Variants in LIMK2 observed in about 807,000 individuals in gnomAD.
LIMK2 encodes LIM domain kinase 2.
LIMK2 carries 35 observed loss-of-function variants against 75.7 expected under a neutral mutation model. The ratio of observed to expected loss-of-function variants is 0.46; its 90% CI spans 0.35 to 0.61. The LOEUF (loss-of-function observed/expected upper bound fraction) is 0.61, where lower values mean the gene tolerates loss of function less well. Among genes scored for constraint, LIMK2 ranks in the 20% least tolerant of loss-of-function variants. The probability of loss-of-function intolerance (pLI) is 0.00; values close to 1 mark genes in which losing one functional copy is unlikely to be tolerated. For synonymous variants in LIMK2, 301 were observed against 319.2 expected (o/e 0.94, Z 0.61); for missense variants, 623 against 831.0 (o/e 0.75, Z 3.08).
In LIMK2 at chr22:31,262,326, AC is replaced by A. The variant is rs1220796360; in HGVS notation, c.657+92del. ...CAGGCTGTAGCCTTTACCTTTTCCT[AC>A]CCCCAGCCCATCTCTTTGTCTTAGC... On this transcript the variant is annotated intron_variant, in intron 6 of 15. Transcript: ENST00000331728. The surrounding 1 kb of genome is among the most constrained non-coding windows in gnomAD (Gnocchi z 5.0). 2 of 1,090,036 alleles carry A rather than the reference AC, an allele frequency of 1.8e-6. No homozygotes were observed. The highest frequency in any genetic ancestry group is 2.8e-6 in the Non-Finnish European group (2 of 711,762). The allele number at this position is 1,090,036 out of a possible 1,614,324, so 67.5% of individuals were successfully genotyped here.
chr22:31,271,272 T>C (rs2048954069), intron 12 of LIMK2, 71 bp downstream of exon 12: 1 of 1,348,684 alleles, frequency 7.4e-7, no homozygotes, highest in African/African-American at 1.4e-5. Flanking sequence ...CAAAGGAGGC[T>C]GACTTGTCCC....
At chr22:31,254,421 T>A (rs960994491) in intron 2 of LIMK2, among the ~76,000 whole-genome samples, 5 of 152,240 alleles carry the variant, frequency 3.3e-5, no homozygotes, top group Non-Finnish European at 5.9e-5. Flanking sequence ...TTCTTGCCAC[T>A]CCTACCATTT....
chr22:31,224,269 T>C (rs1411374820), intron 1 of LIMK2, among the ~76,000 whole-genome samples: 1 of 152,166 alleles, frequency 6.6e-6, no homozygotes, highest in Non-Finnish European at 1.5e-5. Context: ...CTCTGTGCTT[T>C]TGTCTATGCT....
At chr22:31,272,951 T>C in intron 13 of LIMK2, 1 of 1,263,706 alleles carries the variant, frequency 7.9e-7, no homozygotes, top group Non-Finnish European at 1.0e-6. Context: ...GCCTCAGGGA[T>C]CGCTAAGAGC....
intron 2 of LIMK2, among the ~76,000 whole-genome samples, chr22:31,257,698 C>G (rs930915400): frequency 1.3e-5 from 2 of 152,112 alleles, no homozygotes; most frequent in Non-Finnish European, 2.9e-5. Flanking sequence ...TTTCTTCTCC[C>G]CATGACTTTT....
intron 2 of LIMK2, among the ~76,000 whole-genome samples, chr22:31,240,546 C>G (rs2048615882): frequency 6.6e-6 from 1 of 151,782 alleles, no homozygotes; most frequent in Non-Finnish European, 1.5e-5. Context: ...GCCTCAGCCT[C>G]CCGAGGAGCT....
At chr22:31,260,951 A>G (rs1232401023) in intron 5 of LIMK2, among the ~76,000 whole-genome samples, 1 of 152,228 alleles carries the variant, frequency 6.6e-6, no homozygotes, top group Admixed American at 6.5e-5. Flanking sequence ...CCAAGTTAAC[A>G]TTTTAGAAGG....
intron 2 of LIMK2, among the ~76,000 whole-genome samples, chr22:31,255,782 C>T (rs2123828140): frequency 6.6e-6 from 1 of 152,212 alleles, no homozygotes; most frequent in East Asian, 1.9e-4. Context: ...AAGGCTTTCT[C>T]TCATACATTA....
Position 31,267,910 on chromosome 22 carries a change from G to T in LIMK2, c.1260+3G>T. 6.3e-7 allele frequency: 1 copy of T among 1,594,120 alleles called. No homozygotes were observed. Among genetic ancestry groups the T allele is most frequent in the Non-Finnish European group, 8.5e-7 (1 of 1,171,590 alleles). On this transcript the variant is annotated splice_donor_region_variant and intron_variant, in intron 10 of 15. Coordinates refer to ENST00000331728, the MANE Select transcript of LIMK2 (RefSeq NM_005569.4). The stretch of plus-strand genomic sequence containing the variant: ...TGAAGGACTTTCTGCGCAGTATGGT[G>T]AGCACACCACCCCATAGTCTCCAGG...
chr22:31,232,847 C>T (rs2048541179), intron 2 of LIMK2, among the ~76,000 whole-genome samples: 1 of 152,092 alleles, frequency 6.6e-6, no homozygotes, highest in South Asian at 2.1e-4. Context: ...ATCCTCCCAC[C>T]TGGGCCTCAC....
chr22:31,237,073 A>G lies in LIMK2; in HGVS notation c.116+11254A>G, dbSNP rs2123794752. Among the ~76,000 whole-genome samples the G allele has an allele frequency of 1.4e-5, 2 of 147,564 alleles. 1 individual carries two copies. Among genetic ancestry groups the G allele is most frequent in the East Asian group, 4.0e-4 (2 of 4,956 alleles). The stretch of plus-strand genomic sequence containing the variant: ...TCAGGAGATCGAGACCATCCTGGCT[A>G]ACACAGTGAAACCGCGTCTCTACTA... On this transcript the variant is annotated intron_variant, in intron 2 of 15. Transcript: ENST00000331728.
chr22:31,274,523 C>A (rs1316605699), intron 14 of LIMK2, among the ~76,000 whole-genome samples: 1 of 152,144 alleles, frequency 6.6e-6, no homozygotes, highest in Non-Finnish European at 1.5e-5. Flanking sequence ...GCCTCAGCCT[C>A]CCAAGTAGCT....
intron 2 of LIMK2, among the ~76,000 whole-genome samples, chr22:31,239,039 C>T (rs369366417): frequency 2.0e-5 from 3 of 152,196 alleles, no homozygotes; most frequent in South Asian, 4.1e-4. Context: ...TGCTTACAGC[C>T]CATATAGACA....
Position 31,266,105 on chromosome 22 carries a change from G to A in LIMK2, c.1014G>A (p.Gly338=). ...ACCTAATCCATGGGGAGGTCCTGGG[G>A]AAGGGCTTCTTTGGGCAGGCTATCA... The part of the protein sequence containing the change: ...PCDLIHGEVL[G]KGFFGQAIKV... The change falls in exon 8 of 16, where the codon GGG becomes GGA. Residue 338 remains glycine, a synonymous_variant. Coordinates refer to ENST00000331728, the MANE Select transcript of LIMK2 (RefSeq NM_005569.4). The A allele has an allele frequency of 6.2e-7, 1 of 1,614,216 alleles. No homozygotes were observed. The highest frequency in any genetic ancestry group is 8.5e-7 in the Non-Finnish European group (1 of 1,180,044).
chr22:31,278,229 T>G, intron 15 of LIMK2, 68 bp from the exon 16 acceptor site: 5 of 1,410,854 alleles, frequency 3.5e-6, no homozygotes, highest in Non-Finnish European at 4.9e-6. Context: ...TGAGCCTAGA[T>G]CCCTTCCACC....
In LIMK2 at chr22:31,267,032, C is replaced by A. The variant is rs114127458; in HGVS notation, c.1090C>A (p.Arg364=). Reference sequence around the variant, plus strand: ...AGTGATGGTCATGAAAGAGTTAATTCGATGTGATGAGGAGACCCAGAAAAC... The same window carrying A: ...AGTGATGGTCATGAAAGAGTTAATTAGATGTGATGAGGAGACCCAGAAAAC... The part of the protein sequence containing the change: ...GKVMVMKELI[R]CDEETQKTFL... Residue 364 remains arginine, a synonymous_variant, in exon 9 of 16, where the codon CGA becomes AGA. Transcript: ENST00000331728. 1 of 1,609,642 alleles carries A rather than the reference C, an allele frequency of 6.2e-7. No individual in the cohort carries two copies. Among genetic ancestry groups the A allele is most frequent in the East Asian group, 2.2e-5 (1 of 44,824 alleles).
intron 11 of LIMK2, among the ~76,000 whole-genome samples, chr22:31,269,059 TTTG>T (rs2048927386): frequency 7.1e-6 from 1 of 141,398 alleles, no homozygotes. Context: ...TGTTTGTTTT[TTTG>T]TTTTTTTTTC....
At chr22:31,250,804 C>A (rs557896660) in intron 2 of LIMK2, among the ~76,000 whole-genome samples, 1 of 152,302 alleles carries the variant, frequency 6.6e-6, no homozygotes, top group African/African-American at 2.4e-5. Flanking sequence ...TCATCCTTGG[C>A]AGAAAGTAGA....
At position 31,235,880 on chromosome 22, in the gene LIMK2, G is replaced by A. The variant is rs2048569409; in HGVS notation, c.116+10061G>A. Among the ~76,000 whole-genome samples the A allele has an allele frequency of 2.0e-5, 3 of 152,210 alleles. No individual in the cohort carries two copies. In the South Asian group the frequency reaches 6.2e-4, roughly 31 times the overall value. On this transcript the variant is annotated intron_variant, in intron 2 of 15. Coordinates refer to ENST00000331728, the MANE Select transcript of LIMK2 (RefSeq NM_005569.4). ...CCACAAGTAATGAAAGCAGTATTGT[G>A]TTGTAGTTAAGAGCACACTCTAGAA...
Sources: gnomAD v4.1 joint callset for allele counts (sites outside exome capture counted in the v4.1 genomes callset) on GRCh38, gnomAD v4.1.1 for gene constraint, Gnocchi (gnomAD v3.1) non-coding constraint, MANE v1.5 for transcripts, NCBI Gene and HGNC (gene_info 2026-07-23, HGNC 2026-07-21) for gene names.